Variants in PPARGC1A observed in about 807,000 individuals in gnomAD.
PPARGC1A encodes the protein peroxisome proliferator-activated receptor gamma coactivator 1-alpha.
In PPARGC1A, 25 loss-of-function variants were observed where a neutral mutation model predicts 88.7. The ratio of observed to expected loss-of-function variants is 0.28; its 90% CI spans 0.21 to 0.39. The LOEUF is 0.39. Among genes scored for constraint, PPARGC1A ranks in the 10% least tolerant of loss-of-function variants. The probability of loss-of-function intolerance (pLI) is 1.00; values close to 1 mark genes in which losing one functional copy is unlikely to be tolerated. For missense variants in PPARGC1A, 880 were observed against 968.7 expected, an observed-to-expected ratio of 0.91 and a Z score of 1.22; for synonymous variants, 363 against 355.6, an observed-to-expected ratio of 1.02 and a Z score of -0.24.
At chr4:23,972,338 G>C in the PPARGC1A span, among the ~76,000 whole-genome samples, 6 of 152,134 alleles carry the variant, frequency 3.9e-5, no homozygotes, top group Admixed American at 1.3e-4. Flanking sequence ...AAAATAGAAA[G>C]AACAGATGTG....
the PPARGC1A span, among the ~76,000 whole-genome samples, chr4:23,917,663 G>A: frequency 1.2e-4 from 19 of 152,294 alleles, 1 homozygote; most frequent in Non-Finnish European, 2.2e-4. Context: ...GACCACATAA[G>A]GGTAGGTACT....
the PPARGC1A span, among the ~76,000 whole-genome samples, chr4:24,409,927 G>A: frequency 1.3e-5 from 2 of 152,198 alleles, no homozygotes; most frequent in African/African-American, 2.4e-5. Flanking sequence ...ACAGCAAAAT[G>A]TGCATCTATT....
At chr4:24,113,164 A>G in the PPARGC1A span, among the ~76,000 whole-genome samples, 11 of 152,288 alleles carry the variant, frequency 7.2e-5, no homozygotes, top group Admixed American at 5.2e-4. Context: ...TTAGAGCACA[A>G]TCCATGTCTG....
At chr4:24,170,323 T>A in the PPARGC1A span, among the ~76,000 whole-genome samples, 85 of 152,308 alleles carry the variant, frequency 5.6e-4, no homozygotes, top group Middle Eastern at 3.4e-3. Flanking sequence ...GCCTTGGGTA[T>A]TGACAGAGCA....
chr4:24,114,528 G>A, the PPARGC1A span, among the ~76,000 whole-genome samples: 4 of 152,298 alleles, frequency 2.6e-5, no homozygotes, highest in South Asian at 2.1e-4. Flanking sequence ...CACTCCAAAC[G>A]AGGTTCCTTC....
At chr4:23,946,561 GGAACTT>G in the PPARGC1A span, among the ~76,000 whole-genome samples, 3 of 49,414 alleles carry the variant, frequency 6.1e-5, no homozygotes, top group Admixed American at 3.7e-4. Flanking sequence ...TGGTGTGCCA[GGAACTT>G]AAACTTGACA....
the PPARGC1A span, among the ~76,000 whole-genome samples, chr4:24,075,419 A>G: frequency 6.6e-6 from 1 of 152,172 alleles, no homozygotes; most frequent in Non-Finnish European, 1.5e-5. Flanking sequence ...TTTCATATCC[A>G]GAAATGTTCC....
chr4:24,212,003 C>G, the PPARGC1A span, among the ~76,000 whole-genome samples: 2 of 152,164 alleles, frequency 1.3e-5, no homozygotes, highest in African/African-American at 2.4e-5. Flanking sequence ...CGTTCCCCAA[C>G]ACGTCTTTCT....
chr4:24,186,773 T>C, the PPARGC1A span, among the ~76,000 whole-genome samples: 1 of 151,440 alleles, frequency 6.6e-6, no homozygotes, highest in African/African-American at 2.4e-5. Context: ...GCCAGAACCA[T>C]GGGCAGGGCT....
chr4:24,086,426 A>G, the PPARGC1A span, among the ~76,000 whole-genome samples: 1 of 152,182 alleles, frequency 6.6e-6, no homozygotes, highest in Non-Finnish European at 1.5e-5. Context: ...TATGTCTGAC[A>G]TAGGCTCTCT....
chr4:23,800,936 G>C (rs1015535263), intron 12 of PPARGC1A, among the ~76,000 whole-genome samples: 1 of 150,508 alleles, frequency 6.6e-6, no homozygotes, highest in African/African-American at 2.4e-5. Flanking sequence ...CTGGCATATG[G>C]AAGCACTCAA....
the PPARGC1A span, among the ~76,000 whole-genome samples, chr4:24,144,117 G>A: frequency 6.6e-6 from 1 of 152,196 alleles, no homozygotes; most frequent in Non-Finnish European, 1.5e-5. Context: ...TGGCCTATTT[G>A]CCAGGATATG....
At chr4:24,294,794 C>T in the PPARGC1A span, among the ~76,000 whole-genome samples, 1 of 152,204 alleles carries the variant, frequency 6.6e-6, no homozygotes, top group African/African-American at 2.4e-5. Context: ...GATGCAATGA[C>T]AAGACAAGAA....
chr4:23,975,434 C>G, the PPARGC1A span, among the ~76,000 whole-genome samples: 2 of 142,630 alleles, frequency 1.4e-5, no homozygotes, highest in Admixed American at 1.4e-4. Flanking sequence ...TTTTTTTTTC[C>G]TGAGACAGAG....
the PPARGC1A span, among the ~76,000 whole-genome samples, chr4:24,379,781 CTT>C: frequency 5.8e-5 from 8 of 138,088 alleles, no homozygotes; most frequent in Admixed American, 7.3e-5. Context: ...TATTTAAATT[CTT>C]TTTTTTTTTT....
the PPARGC1A span, among the ~76,000 whole-genome samples, chr4:23,951,322 A>G: frequency 1.3e-5 from 2 of 152,136 alleles, no homozygotes; most frequent in South Asian, 2.1e-4. Flanking sequence ...AACAAACCCT[A>G]TAAGTGTTTA....
chr4:24,333,933 ACAACAAC>A, the PPARGC1A span, among the ~76,000 whole-genome samples: 19 of 76,828 alleles, frequency 2.5e-4, 1 homozygote, highest in African/African-American at 9.4e-4. Flanking sequence ...GACTCCAACA[ACAACAAC>A]AAAAAAAAAA....
chr4:24,246,047 C>T, the PPARGC1A span, among the ~76,000 whole-genome samples: 1 of 151,810 alleles, frequency 6.6e-6, no homozygotes, highest in South Asian at 2.1e-4. Flanking sequence ...GAATCAGCAA[C>T]GATTTTAAAT....
the PPARGC1A span, among the ~76,000 whole-genome samples, chr4:24,463,595 T>C: frequency 1.3e-5 from 2 of 152,352 alleles, no homozygotes; most frequent in African/African-American, 4.8e-5. Flanking sequence ...TTTTCTGACA[T>C]TTCAGCCATT....
Sources: allele counts gnomAD v4.1 joint callset (sites outside exome capture counted in the v4.1 genomes callset), GRCh38; gene constraint gnomAD v4.1.1; transcripts MANE v1.5; gene names NCBI Gene and HGNC (gene_info 2026-07-23, HGNC 2026-07-21).